ABCG1: variants seen among roughly 807,000 people sequenced by gnomAD.
ABCG1 encodes the protein ATP binding cassette subfamily G member 1.
ABCG1 carries 29 observed loss-of-function variants against 69.2 expected under a neutral mutation model. The observed-to-expected ratio is 0.42, with a 90% CI of 0.31 to 0.57. The LOEUF (loss-of-function observed/expected upper bound fraction) is 0.57, where lower values mean the gene tolerates loss of function less well. Among genes scored for constraint, ABCG1 ranks in the 20% least tolerant of loss-of-function variants. ABCG1 has a pLI of 0.15. For synonymous variants in ABCG1, 370 were observed against 374.8 expected (o/e 0.99, Z 0.15); for missense variants, 718 against 898.1 (o/e 0.80, Z 2.56).
chr21:42,202,521 G>A (rs1215650854), intron 2 of ABCG1, among the ~76,000 whole-genome samples: 10 of 151,984 alleles, frequency 6.6e-5, no homozygotes, highest in Admixed American at 5.9e-4. Context: ...TTGAATGCAC[G>A]CCTCCCTCCC....
chr21:42,230,828 G>C (rs776093730), intron 2 of ABCG1, among the ~76,000 whole-genome samples: 4 of 152,236 alleles, frequency 2.6e-5, no homozygotes, highest in Non-Finnish European at 4.4e-5. Flanking sequence ...GCCGATTCAG[G>C]AAGGATCTGC....
intron 2 of ABCG1, among the ~76,000 whole-genome samples, chr21:42,242,707 C>T (rs2123604597): frequency 6.6e-6 from 1 of 152,334 alleles, no homozygotes; most frequent in East Asian, 1.9e-4. Context: ...TTATTTCACA[C>T]TTTCCACATC....
intron 2 of ABCG1, among the ~76,000 whole-genome samples, chr21:42,248,433 G>C (rs1302571248): frequency 2.0e-5 from 3 of 152,166 alleles, no homozygotes. Context: ...GGGGGGTGCA[G>C]GGCAGCTGCC....
In ABCG1 at chr21:42,282,708, G is replaced by A. The variant is rs182789907; in HGVS notation, c.734+289G>A. ...TCTCTTCCATGACACCAAGTTCCCC[G>A]TGGCTCAGCCACTCTGAGGGCCAAG... On this transcript the variant is annotated intron_variant, in intron 6 of 14. Transcript: ENST00000398449. Among the ~76,000 whole-genome samples the A allele has an allele frequency of 6.6e-5, 10 of 152,354 alleles. No individual in the cohort carries two copies. The East Asian group carries it at 1.7e-3, about 26-fold the overall frequency.
chr21:42,216,948 A>G (rs949773962), upstream of ABCG1, among the ~76,000 whole-genome samples: 1 of 152,172 alleles, frequency 6.6e-6, no homozygotes, highest in African/African-American at 2.4e-5. Flanking sequence ...GTACAGACAG[A>G]TAAGTGAGGA....
chr21:42,225,974 G>T, intron 2 of ABCG1, 60 bp downstream of exon 2: 7 of 1,577,818 alleles, frequency 4.4e-6, no homozygotes, highest in Non-Finnish European at 5.2e-6. Context: ...GAGGCAACAG[G>T]TTGTTTGGGC....
In ABCG1 at chr21:42,248,872, C is replaced by G. The variant is rs2068175859; in HGVS notation, c.287-22198C>G. 2.8e-5 allele frequency among the ~76,000 whole-genome samples: 4 copies of G among 141,790 alleles called. No individual in the cohort carries two copies. The South Asian group carries it at 6.6e-4, about 23-fold the overall frequency. The allele number at this position is 141,790 out of a possible 152,430, so 93.0% of individuals were successfully genotyped here. A position where few individuals can be genotyped will look rare whatever the true frequency, so the allele number is the denominator to read the frequency against. ...TGAGCCATGATTGTGCCACTGCACT[C>G]TGGCCTGAGTGACAGAGCAAGACCT... On this transcript the variant is annotated intron_variant, in intron 2 of 14. Coordinates refer to ENST00000398449, the MANE Select transcript of ABCG1 (RefSeq NM_016818.3).
At position 42,271,197 on chromosome 21, in the gene ABCG1, C is replaced by G. The variant is rs775207664; in HGVS notation, c.404+10C>G. ...TCCTGGCTGGATACAGGTGAGCAGC[C>G]CTGCCCAGGGCGCAAAGTTCTCTCC... On this transcript the variant is annotated intron_variant, in intron 3 of 14. Transcript: ENST00000398449. 1 of 1,516,026 alleles carries G rather than the reference C, an allele frequency of 6.6e-7. No homozygotes were observed. The highest frequency in any genetic ancestry group is 1.3e-5 in the South Asian group (1 of 76,194). 93.9% of individuals were successfully genotyped at this position (1,516,026 alleles called of 1,614,324 possible).
intron 2 of ABCG1, among the ~76,000 whole-genome samples, chr21:42,205,474 C>G (rs1214198040): frequency 6.6e-6 from 1 of 151,928 alleles, no homozygotes; most frequent in Admixed American, 6.6e-5. Context: ...TGGTGGGCAC[C>G]TGTAATCCCA....
intron 2 of ABCG1, among the ~76,000 whole-genome samples, chr21:42,249,865 C>T (rs1224605855): frequency 6.6e-6 from 1 of 151,978 alleles, no homozygotes; most frequent in East Asian, 1.9e-4. Context: ...ATTAGCCAGG[C>T]ATGGTGGTGC....
At chr21:42,279,823 A>G (rs1247616855) in intron 5 of ABCG1, among the ~76,000 whole-genome samples, 3 of 152,168 alleles carry the variant, frequency 2.0e-5, no homozygotes, top group Non-Finnish European at 4.4e-5. Flanking sequence ...ACAAGCTGGC[A>G]TCTTGGTGGA....
chr21:42,283,892 C>T (rs8132393), intron 6 of ABCG1, among the ~76,000 whole-genome samples: 145 of 5,618 alleles, frequency 0.026, 5 homozygotes, highest in Admixed American at 0.045. Flanking sequence ...TGGACAGTTG[C>T]AAAGTCCCCC....
chr21:42,292,337 T>C (rs2069079185), intron 13 of ABCG1, among the ~76,000 whole-genome samples: 1 of 152,054 alleles, frequency 6.6e-6, no homozygotes, highest in African/African-American at 2.4e-5. Context: ...GCCCTCACCT[T>C]AGATGAGGAC....
In ABCG1 at chr21:42,225,815, G is replaced by T; in HGVS notation, c.187G>T (p.Ala63Ser). Residue 63 changes from alanine to serine, a missense_variant, in exon 2 of 15, where the codon GCC (alanine) becomes TCC (serine). Around this residue, in one of 2 missense-constraint regions of ABCG1, gnomAD observed 514 missense variants for 574.3 expected, o/e 0.90. Transcript: ENST00000398449. ...AAAAGTAGATAATAACCTCACGGAAGCCCAGCGCTTCTCCTCCTTGCCTCG... is the reference window on the plus strand; with the variant it reads ...AAAAGTAGATAATAACCTCACGGAATCCCAGCGCTTCTCCTCCTTGCCTCG... ...LKKVDNNLTE[A>S]QRFSSLPRRA... The T allele has an allele frequency of 6.2e-7, 1 of 1,614,034 alleles. No individual in the cohort carries two copies. Among genetic ancestry groups the T allele is most frequent in the Non-Finnish European group, 8.5e-7 (1 of 1,180,014 alleles).
At chr21:42,254,602 G>C (rs983353801) in intron 2 of ABCG1, among the ~76,000 whole-genome samples, 19 of 152,246 alleles carry the variant, frequency 1.2e-4, no homozygotes, top group African/African-American at 4.6e-4. Context: ...CAAGAGGATT[G>C]ATCAGCGCGT....
rs118009895 is a variant in ABCG1 at position 42,247,636 on chromosome 21, A to T, written c.286+21722A>T. On this transcript the variant is annotated intron_variant, in intron 2 of 14. Coordinates refer to ENST00000398449, the MANE Select transcript of ABCG1 (RefSeq NM_016818.3). ...GGTACATACATGTCCCAACTCTCAGAACCTGTAAATGTGACCTTATTCAGA... is the reference window on the plus strand; with the variant it reads ...GGTACATACATGTCCCAACTCTCAGTACCTGTAAATGTGACCTTATTCAGA... Among the ~76,000 whole-genome samples the T allele has an allele frequency of 1.0e-3, 156 of 152,354 alleles. 1 individual carries two copies. Among genetic ancestry groups the T allele is most frequent in the Non-Finnish European group, 1.8e-3 (121 of 68,034 alleles).
intron 2 of ABCG1, among the ~76,000 whole-genome samples, chr21:42,255,419 A>T (rs1366617740): frequency 6.6e-6 from 1 of 152,046 alleles, no homozygotes; most frequent in Non-Finnish European, 1.5e-5. Flanking sequence ...GTCTGAGTGC[A>T]TGGTGTGAGT....
intron 6 of ABCG1, among the ~76,000 whole-genome samples, chr21:42,283,396 G>A (rs949102603): frequency 1.3e-5 from 2 of 152,190 alleles, no homozygotes; most frequent in Non-Finnish European, 2.9e-5. Context: ...CCCCGGGCCT[G>A]TCACTTCAGA....
intron 2 of ABCG1, chr21:42,256,438 T>C: frequency 6.5e-7 from 1 of 1,549,520 alleles, no homozygotes; most frequent in South Asian, 1.2e-5. Context: ...TGTCAGAGTA[T>C]CCAGAGGCCG....
Sources: gnomAD v4.1 joint callset for allele counts (sites outside exome capture counted in the v4.1 genomes callset) on GRCh38, gnomAD v4.1.1 for gene constraint, gnomAD v4.1.1 regional missense constraint, MANE v1.5 for transcripts, NCBI Gene and HGNC (gene_info 2026-07-23, HGNC 2026-07-21) for gene names.